Variants in PEAK1 observed in about 807,000 individuals in gnomAD.
PEAK1 encodes pseudopodium enriched atypical kinase 1, also known as inactive tyrosine-protein kinase PEAK1.
In PEAK1, 54 loss-of-function variants were observed where a neutral mutation model predicts 124.7. The ratio of observed to expected loss-of-function variants is 0.43; its 90% CI spans 0.35 to 0.54. The LOEUF (loss-of-function observed/expected upper bound fraction) is 0.54, where lower values mean the gene tolerates loss of function less well. Ranked by LOEUF, PEAK1 falls within the 20% of genes least tolerant of loss-of-function variation. PEAK1 has a pLI of 0.01. For missense variants in PEAK1, 2,046 were observed against 2,134.5 expected, an observed-to-expected ratio of 0.96 and a Z score of 0.82; for synonymous variants, 719 against 760.0, an observed-to-expected ratio of 0.95 and a Z score of 0.89.
intron 2 of PEAK1, among the ~76,000 whole-genome samples, chr15:77,314,498 T>A (rs930130698): frequency 2.0e-5 from 3 of 152,034 alleles, no homozygotes; most frequent in Non-Finnish European, 4.4e-5. Flanking sequence ...GCCTCCTGAG[T>A]AGCTGGGATT....
At chr15:77,342,706 G>A (rs2066619961) in intron 2 of PEAK1, among the ~76,000 whole-genome samples, 1 of 152,064 alleles carries the variant, frequency 6.6e-6, no homozygotes, top group Non-Finnish European at 1.5e-5. Flanking sequence ...ACCACACCTG[G>A]CTTGCATATG....
At chr15:77,235,895 G>T (rs896864930) in intron 6 of PEAK1, among the ~76,000 whole-genome samples, 4 of 152,264 alleles carry the variant, frequency 2.6e-5, no homozygotes, top group Non-Finnish European at 4.4e-5. Context: ...CTGAGCCATT[G>T]CTTCAGAGGG....
intron 2 of PEAK1, among the ~76,000 whole-genome samples, chr15:77,358,034 T>C (rs180673617): frequency 3.7e-4 from 57 of 152,232 alleles, no homozygotes; most frequent in African/African-American, 1.3e-3. Context: ...ATCCACAAAT[T>C]TGTCACTAGT....
intron 1 of PEAK1, among the ~76,000 whole-genome samples, chr15:77,377,329 G>A (rs1158001988): frequency 6.6e-6 from 1 of 152,152 alleles, no homozygotes; most frequent in Non-Finnish European, 1.5e-5. Flanking sequence ...GTCTGCAGTG[G>A]GCAGTGATTG....
chr15:77,171,671 A>G (rs962986086), intron 7 of PEAK1, among the ~76,000 whole-genome samples: 5 of 152,164 alleles, frequency 3.3e-5, no homozygotes, highest in African/African-American at 9.7e-5. Flanking sequence ...AGATAGCTAG[A>G]AGGAGGATAC....
At chr15:77,173,388 G>A (rs1387458311) in intron 7 of PEAK1, among the ~76,000 whole-genome samples, 1 of 152,058 alleles carries the variant, frequency 6.6e-6, no homozygotes, top group Non-Finnish European at 1.5e-5. Flanking sequence ...TTTGATATAT[G>A]TATATGCTGT....
At chr15:77,215,552 C>T (rs1006624453) in intron 6 of PEAK1, among the ~76,000 whole-genome samples, 2 of 152,138 alleles carry the variant, frequency 1.3e-5, no homozygotes, top group African/African-American at 2.4e-5. Flanking sequence ...AATTGTTACA[C>T]TGCACTGTTC....
intron 2 of PEAK1, among the ~76,000 whole-genome samples, chr15:77,306,686 A>G (rs1044562306): frequency 3.9e-5 from 6 of 152,122 alleles, no homozygotes; most frequent in Admixed American, 2.6e-4. Flanking sequence ...TTCAAGGTTG[A>G]AATACATTAT....
intron 5 of PEAK1, among the ~76,000 whole-genome samples, chr15:77,263,596 A>T (rs1419305958): frequency 2.0e-5 from 3 of 152,180 alleles, no homozygotes; most frequent in Admixed American, 6.5e-5. Context: ...CAGGCTCTGA[A>T]ATTGAGGCAA....
chr15:77,112,360 C>T lies in PEAK1; in HGVS notation c.*1796G>A, dbSNP rs1394035521. Reference sequence around the variant, plus strand: ...TTAAAAGTTTAGAAATTTCCAAGGCCACTAATGTGCTATGTAAGTAATACT... The same window carrying T: ...TTAAAAGTTTAGAAATTTCCAAGGCTACTAATGTGCTATGTAAGTAATACT... On this transcript the variant is annotated 3_prime_UTR_variant, in exon 10 of 10. Transcript: ENST00000682557. 6.6e-6 allele frequency: 1 copy of T among 152,150 alleles called. No homozygotes were observed. Among genetic ancestry groups the T allele is most frequent in the African/African-American group, 2.4e-5 (1 of 41,418 alleles). 9.4% of individuals were successfully genotyped at this position (152,150 alleles called of 1,614,324 possible).
At chr15:77,205,627 A>T (rs960098781) in intron 6 of PEAK1, among the ~76,000 whole-genome samples, 2 of 152,238 alleles carry the variant, frequency 1.3e-5, no homozygotes, top group African/African-American at 4.8e-5. Flanking sequence ...TGTTTCCCTA[A>T]TAACTGTTAA....
intron 2 of PEAK1, chr15:77,331,991 C>T (rs2065915983): frequency 6.1e-6 from 1 of 164,814 alleles, no homozygotes; most frequent in South Asian, 2.1e-4. Context: ...AATCCCAGCA[C>T]TTTGGGATGC....
chr15:77,294,185 TGAGACTGGCTTTG>T (rs2063367103), intron 2 of PEAK1, among the ~76,000 whole-genome samples: 1 of 152,218 alleles, frequency 6.6e-6, no homozygotes, highest in Non-Finnish European at 1.5e-5. Flanking sequence ...CTCTGAAAGC[TGAGACTGGCTTTG>T]TGCTTTAGCA....
chr15:77,337,554 GAGATTCCACACCAAC>G (rs1446911948), intron 2 of PEAK1: 19 of 984,930 alleles, frequency 1.9e-5, no homozygotes, highest in Non-Finnish European at 2.2e-5. Flanking sequence ...TAGTCTGGCA[GAGATTCCACACCAAC>G]AGAATTTTTA....
intron 6 of PEAK1, among the ~76,000 whole-genome samples, chr15:77,240,270 A>G (rs1380291396): frequency 6.6e-6 from 1 of 152,208 alleles, no homozygotes; most frequent in East Asian, 1.9e-4. Flanking sequence ...AAATACAACT[A>G]TAATACTTCA....
rs79724079 is a variant in PEAK1, at chr15:77,400,081, T to C, written c.-666+19925A>G. On this transcript the variant is annotated intron_variant, in intron 1 of 9. Coordinates refer to ENST00000682557, the MANE Select transcript of PEAK1 (RefSeq NM_001385026.1). ...AAAAGGTGTTCAATATCACTGATCATCAGAGAAATGCAAAATCAATCAGAT... is the reference window on the plus strand; with the variant it reads ...AAAAGGTGTTCAATATCACTGATCACCAGAGAAATGCAAAATCAATCAGAT... Among the ~76,000 whole-genome samples, 1,104 of 152,280 alleles carry C rather than the reference T, an allele frequency of 7.2e-3. 15 individuals carry two copies. Among genetic ancestry groups the C allele is most frequent in the African/African-American group, 0.025 (1,048 of 41,568 alleles).
At chr15:77,375,654 G>C (rs1247822973) in intron 1 of PEAK1, among the ~76,000 whole-genome samples, 1 of 152,116 alleles carries the variant, frequency 6.6e-6, no homozygotes, top group South Asian at 2.1e-4. Context: ...TAAGCACTTA[G>C]ATCCACAAGT....
rs763419099 is a variant in PEAK1, at chr15:77,179,322, G to A, written c.2605C>T (p.Pro869Ser). 1.2e-6 allele frequency: 2 copies of A among 1,614,096 alleles called. No individual in the cohort carries two copies. The highest frequency in any genetic ancestry group is 1.7e-6 in the Non-Finnish European group (2 of 1,180,018). The change falls in exon 7 of 10, where the codon CCC (proline) becomes TCC (serine). Residue 869 changes from proline to serine, a missense_variant. By Grantham distance (74) the Pro-to-Ser change is moderately conservative. Coordinates refer to ENST00000682557, the MANE Select transcript of PEAK1 (RefSeq NM_001385026.1). ...VTSPQSEPPA[P>S]FPPPRSTSSP... is the part of the protein sequence containing the mutation. ...GAAGTAGAGCGTGGCGGGGGAAAGG[G>A]AGCTGGTGGCTCACTTTGGGGGCTA...
intron 5 of PEAK1, among the ~76,000 whole-genome samples, chr15:77,283,264 G>T (rs1567209319): frequency 1.3e-5 from 2 of 152,036 alleles, no homozygotes; most frequent in Non-Finnish European, 2.9e-5. Context: ...TATTTGATTA[G>T]AACCATCTGG....
Sources: allele counts gnomAD v4.1 joint callset (sites outside exome capture counted in the v4.1 genomes callset), GRCh38; gene constraint gnomAD v4.1.1; transcripts MANE v1.5; gene names NCBI Gene and HGNC (gene_info 2026-07-23, HGNC 2026-07-21).